Variants in SLC5A9 observed in about 807,000 individuals in gnomAD.
The protein encoded by SLC5A9 is sodium/glucose cotransporter 4.
SLC5A9 carries 59 observed loss-of-function variants against 70.9 expected under a neutral mutation model. The ratio of observed to expected loss-of-function variants is 0.83; its 90% confidence interval spans 0.68 to 1.03. The LOEUF (loss-of-function observed/expected upper bound fraction) is 1.03. Ranked by LOEUF, SLC5A9 falls within the 50% of genes least tolerant of loss-of-function variation. The pLI, the probability that SLC5A9 is intolerant of heterozygous loss-of-function variation, is 0.00. For synonymous variants in SLC5A9, 340 were observed against 346.5 expected (o/e 0.98, Z 0.21); for missense variants, 832 against 881.1 (o/e 0.94, Z 0.71).
chr1:48,235,817 C>T lies in SLC5A9; in HGVS notation c.1230C>T (p.Thr410=). Residue 410 remains threonine (T), a synonymous_variant, in exon 10 of 14, where the codon ACC becomes ACT. Transcript: ENST00000438567. ...TCAACAGCAGCAGCACCCTGTTCAC[C>T]ATTGATGTGTGGCAGCGCTTCCGCA... is the stretch of plus-strand genomic sequence containing the variant. ...SIFNSSSTLF[T]IDVWQRFRRK... is the part of the protein sequence containing the mutation. 1 of 1,614,228 alleles carries T rather than the reference C, an allele frequency of 6.2e-7. No homozygotes were observed. Among genetic ancestry groups the T allele is most frequent in the Non-Finnish European group, 8.5e-7 (1 of 1,180,050 alleles).
intron 13 of SLC5A9, 33 bp downstream of exon 13, chr1:48,242,649 C>T (rs1644406050): frequency 6.3e-7 from 1 of 1,576,910 alleles, no homozygotes; most frequent in Non-Finnish European, 8.6e-7. Context: ...ATACTCATCA[C>T]AGAGGAACAG....
chr1:48,228,757 A>T (rs1644200432), intron 2 of SLC5A9, 93 bp from the exon 3 acceptor site: 3 of 1,567,564 alleles, frequency 1.9e-6, no homozygotes, highest in Non-Finnish European at 2.6e-6. Flanking sequence ...TGGGTACCCA[A>T]CAAATATCAG....
intron 9 of SLC5A9, 61 bp from the exon 10 acceptor site, chr1:48,235,668 T>C (rs1451601253): frequency 6.2e-7 from 1 of 1,602,880 alleles, no homozygotes; most frequent in Non-Finnish European, 8.5e-7. Flanking sequence ...GCAGCCTCTG[T>C]AGTCCTGGAA....
At chr1:48,245,971 T>C (rs1384976552) in intron 13 of SLC5A9, among the ~76,000 whole-genome samples, 4 of 150,312 alleles carry the variant, frequency 2.7e-5, no homozygotes, top group Non-Finnish European at 4.4e-5. Context: ...AAAATATATA[T>C]ATAATATATA....
At position 48,239,242 on chromosome 1, in the gene SLC5A9, A is replaced by T; in HGVS notation, c.1462-80A>T. ...ATGGCAATAAACCAGTGGGAGAGAG[A>T]TTTGGGGAGAGAGTAGTTTTACCTT... On this transcript the variant is annotated intron_variant, in intron 11 of 13. Transcript: ENST00000438567. This position sits in a 1 kb window ranked among gnomAD's most constrained non-coding sequence, Gnocchi z 4.2. The T allele has an allele frequency of 9.8e-7, 1 of 1,025,036 alleles. No homozygotes were observed. The highest frequency in any genetic ancestry group is 1.6e-5 in the African/African-American group (1 of 62,292). 63.5% of individuals were successfully genotyped at this position (1,025,036 alleles called of 1,614,324 possible).
At position 48,239,552 on chromosome 1, in the gene SLC5A9, C is replaced by G; in HGVS notation, c.1677+15C>G. 6.2e-7 allele frequency: 1 copy of G among 1,609,154 alleles called. No individual in the cohort carries two copies. The highest frequency in any genetic ancestry group is 1.1e-5 in the South Asian group (1 of 90,930). On this transcript the variant is annotated intron_variant, in intron 12 of 13. Transcript: ENST00000438567. The surrounding 1 kb of genome is among the most constrained non-coding windows in gnomAD (Gnocchi z 4.2). ...CTGAGGAACAGGCAAGTGTTGTGCT[C>G]ATACTGAGGCCCTCCAGAAATGCTC...
Position 48,235,795 on chromosome 1 carries a change from ACAG to A in SLC5A9, c.1217_1219del (p.Ser406del). The A allele has an allele frequency of 6.2e-7, 1 of 1,614,202 alleles. No individual in the cohort carries two copies. Among genetic ancestry groups the A allele is most frequent in the Non-Finnish European group, 8.5e-7 (1 of 1,180,034 alleles). ...ATGAGCTCACTCACCTCCATCTTCA[ACAG>A]CAGCAGCACCCTGTTCACCATTGAT... On this transcript the variant is annotated inframe_deletion, in exon 10 of 14. Transcript: ENST00000438567.
chr1:48,239,493 A>G lies in SLC5A9; in HGVS notation c.1633A>G (p.Ile545Val), dbSNP rs768521240. The G allele has an allele frequency of 6.2e-7, 1 of 1,614,108 alleles. No homozygotes were observed. The highest frequency in any genetic ancestry group is 8.5e-7 in the Non-Finnish European group (1 of 1,180,018). Residue 545 changes from isoleucine to valine, a missense_variant, in exon 12 of 14, where the codon ATT becomes GTT. By Grantham distance (29) the Ile-to-Val change is conservative. Transcript: ENST00000438567. This position sits in a 1 kb window ranked among gnomAD's most constrained non-coding sequence, Gnocchi z 4.2. ...ILLCGLTAIV[I>V]VIVSLCTTPI... ...CCTCTGCGGGCTCACTGCCATCGTC[A>G]TTGTCATTGTCAGCCTCTGTACAAC...
chr1:48,229,623 G>C, intron 4 of SLC5A9, 164 bp downstream of exon 4: 1 of 1,083,880 alleles, frequency 9.2e-7, no homozygotes, highest in Non-Finnish European at 1.3e-6. Flanking sequence ...TCAGCACTGG[G>C]GTACTCAGAG....
At chr1:48,232,556 T>C in intron 8 of SLC5A9, 54 bp downstream of exon 8, 2 of 1,603,720 alleles carry the variant, frequency 1.2e-6, no homozygotes, top group East Asian at 2.2e-5. Flanking sequence ...TCAAGGAGTG[T>C]CTGGAGAATG....
Position 48,231,989 on chromosome 1 carries a change from C to G in SLC5A9, c.735C>G (p.Tyr245Ter). 1 of 1,614,166 alleles carries G rather than the reference C, an allele frequency of 6.2e-7. No homozygotes were observed. The highest frequency in any genetic ancestry group is 8.5e-7 in the Non-Finnish European group (1 of 1,180,030). ...GGTACCCAGGCCTGGAGCAGCGGTA[C>G]AGGCAGGCCATCCCTAATGTCACAG... Reference protein sequence around the residue: ...VGWYPGLEQRYRQAIPNVTVP... With the variant: ...VGWYPGLEQR The change falls in exon 7 of 14, where the codon TAC (tyrosine) becomes TAG (stop). Residue 245 changes from tyrosine (Y) to a stop codon, truncating the protein, a stop_gained. Coordinates refer to ENST00000438567, the MANE Select transcript of SLC5A9 (RefSeq NM_001011547.3). LOFTEE classifies it high-confidence loss of function.
chr1:48,236,776 T>C (rs2137831), intron 10 of SLC5A9, among the ~76,000 whole-genome samples: 111,681 of 152,000 alleles, frequency 0.73, 42,749 homozygotes, highest in East Asian at 0.99. Flanking sequence ...TTCCTACTGC[T>C]TGCTCATCTG....
chr1:48,237,917 C>T (rs1644350304), intron 11 of SLC5A9, 70 bp downstream of exon 11: 1 of 1,502,468 alleles, frequency 6.7e-7, no homozygotes, highest in African/African-American at 1.4e-5. Context: ...ATCACCTGGT[C>T]TCTGTGACCT....
chr1:48,227,431 AGTGT>A (rs67073637), intron 2 of SLC5A9, among the ~76,000 whole-genome samples: 11 of 102,844 alleles, frequency 1.1e-4, no homozygotes, highest in East Asian at 5.9e-4. Context: ...TGTGTGTCAG[AGTGT>A]GTGTGTGTGT....
At position 48,239,202 on chromosome 1, in the gene SLC5A9, A is replaced by T. The variant is rs927512462; in HGVS notation, c.1462-120A>T. ...GGAGAACTCATTTTCCCATTAGTAG[A>T]TGGATTTGCCCAACATGGCAATAAA... On this transcript the variant is annotated intron_variant, in intron 11 of 13. Transcript: ENST00000438567. This position sits in a 1 kb window ranked among gnomAD's most constrained non-coding sequence, Gnocchi z 4.2. The T allele has an allele frequency of 1.6e-5, 12 of 730,660 alleles. No homozygotes were observed. The highest frequency in any genetic ancestry group is 1.6e-4 in the African/African-American group (9 of 56,514). 45.3% of individuals were successfully genotyped at this position (730,660 alleles called of 1,614,324 possible). A position where few individuals can be genotyped will look rare whatever the true frequency, so the allele number is the denominator to read the frequency against.
intron 10 of SLC5A9, among the ~76,000 whole-genome samples, 179 bp downstream of exon 10, chr1:48,236,058 C>G (rs1644322713): frequency 6.6e-6 from 1 of 152,146 alleles, no homozygotes; most frequent in Non-Finnish European, 1.5e-5. Context: ...ACCACTCCTC[C>G]TTTCAGAATA....
At chr1:48,246,884 C>T (rs1644465602) in intron 13 of SLC5A9, among the ~76,000 whole-genome samples, 1 of 152,266 alleles carries the variant, frequency 6.6e-6, no homozygotes, top group African/African-American at 2.4e-5. Context: ...GCCCTGGAAC[C>T]AGGTTTCTGG....
intron 2 of SLC5A9, chr1:48,228,648 A>T: frequency 1.3e-6 from 1 of 785,544 alleles, no homozygotes; most frequent in Non-Finnish European, 1.9e-6. Context: ...ATCTTTCCTT[A>T]CATTAGTTCC....
At chr1:48,244,839 A>ATATTTATATTATATATATAAATTT (rs1557486153) in intron 13 of SLC5A9, among the ~76,000 whole-genome samples, 1 of 106,372 alleles carries the variant, frequency 9.4e-6, no homozygotes, top group African/African-American at 3.5e-5. Context: ...TATATAAATT[A>ATATTTATATTATATATATAAATTT]TATATATAAA....
Sources: gnomAD v4.1 joint callset for allele counts (sites outside exome capture counted in the v4.1 genomes callset) on GRCh38, gnomAD v4.1.1 for gene constraint, Gnocchi (gnomAD v3.1) non-coding constraint, MANE v1.5 for transcripts, NCBI Gene and HGNC (gene_info 2026-07-23, HGNC 2026-07-21) for gene names.